Variants in CDC42BPA observed in about 807,000 individuals in gnomAD.
CDC42BPA encodes serine/threonine-protein kinase MRCK alpha.
A neutral mutation model predicts 223.5 loss-of-function variants in CDC42BPA; 80 were observed. The ratio of observed to expected loss-of-function variants is 0.36; its 90% CI spans 0.30 to 0.43. The LOEUF is 0.43. Among genes scored for constraint, CDC42BPA ranks in the 20% least tolerant of loss-of-function variants. CDC42BPA has a pLI of 1.00. For synonymous variants in CDC42BPA, 694 were observed against 718.6 expected (o/e 0.97, Z 0.55); for missense variants, 1,743 against 2,099.9 (o/e 0.83, Z 3.32).
chr1:227,114,515 G>T (rs1011789082), intron 12 of CDC42BPA, among the ~76,000 whole-genome samples: 3 of 151,256 alleles, frequency 2.0e-5, no homozygotes, highest in Non-Finnish European at 2.9e-5. Flanking sequence ...TAATAAAATG[G>T]TTAACATGAA....
intron 17 of CDC42BPA, among the ~76,000 whole-genome samples, chr1:227,075,735 A>G (rs745367644): frequency 6.6e-6 from 1 of 152,136 alleles, no homozygotes; most frequent in Non-Finnish European, 1.5e-5. Flanking sequence ...TTTTTAGAAT[A>G]CAAAAAAGAT....
At chr1:227,039,284 T>G (rs2148745245) in intron 24 of CDC42BPA, among the ~76,000 whole-genome samples, 1 of 152,270 alleles carries the variant, frequency 6.6e-6, no homozygotes, top group Admixed American at 6.5e-5. Flanking sequence ...GTATAATTGC[T>G]TACAAAGTTG....
intron 20 of CDC42BPA, among the ~76,000 whole-genome samples, chr1:227,071,082 A>T (rs2149053062): frequency 6.6e-6 from 1 of 152,018 alleles, no homozygotes; most frequent in East Asian, 1.9e-4. Context: ...AATCTGAATT[A>T]CTATTCACTT....
chr1:227,306,127 T>C (rs1346812177), intron 1 of CDC42BPA, among the ~76,000 whole-genome samples: 1 of 134,496 alleles, frequency 7.4e-6, no homozygotes, highest in African/African-American at 2.8e-5. Flanking sequence ...CAAAGGATCA[T>C]GTTCTAAGTG....
intron 5 of CDC42BPA, among the ~76,000 whole-genome samples, chr1:227,172,912 A>G (rs1196051545): frequency 1.2e-4 from 18 of 152,218 alleles, no homozygotes; most frequent in Non-Finnish European, 2.6e-4. Flanking sequence ...AAACCTTCTA[A>G]AACTACAGTA....
At chr1:227,066,701 T>C (rs187162705) in intron 21 of CDC42BPA, among the ~76,000 whole-genome samples, 251 of 152,056 alleles carry the variant, frequency 1.7e-3, no homozygotes, top group Non-Finnish European at 2.8e-3. Context: ...ACTGAACTGA[T>C]GGATGAGAAA....
At position 226,998,568 on chromosome 1, in the gene CDC42BPA, G is replaced by T. The variant is rs906324627; in HGVS notation, c.4976-3588C>A. 2.0e-5 allele frequency among the ~76,000 whole-genome samples: 3 copies of T among 152,186 alleles called. No homozygotes were observed. The East Asian group carries it at 5.8e-4, about 29-fold the overall frequency. ...GAAAGGATTCCCTATTTAATAAATG[G>T]TGTTGGGAAAACTGGCTAGCCATAT... On this transcript the variant is annotated intron_variant, in intron 35 of 36. Transcript: ENST00000366766.
chr1:227,288,371 C>T (rs1364559348), intron 1 of CDC42BPA, among the ~76,000 whole-genome samples: 1 of 151,138 alleles, frequency 6.6e-6, no homozygotes, highest in Non-Finnish European at 1.5e-5. Context: ...GGAGATCCTG[C>T]CTCAAAAAAT....
intron 16 of CDC42BPA, among the ~76,000 whole-genome samples, chr1:227,081,347 T>C (rs1396339860): frequency 6.6e-6 from 1 of 152,032 alleles, no homozygotes; most frequent in Non-Finnish European, 1.5e-5. Context: ...ATTTCAAGCA[T>C]ATACAGAAAA....
chr1:227,118,787 A>G (rs2482453), intron 12 of CDC42BPA, among the ~76,000 whole-genome samples: 117,484 of 151,942 alleles, frequency 0.77, 45,509 homozygotes, highest in East Asian at 0.88. Context: ...TTATTAAAGC[A>G]AATAGAACAC....
intron 32 of CDC42BPA, among the ~76,000 whole-genome samples, chr1:227,021,535 A>G (rs1285596046): frequency 2.0e-5 from 3 of 152,182 alleles, no homozygotes; most frequent in African/African-American, 7.2e-5. Flanking sequence ...AAGACAATGT[A>G]CCAATGCACT....
chr1:227,018,740 T>A (rs559464833), intron 32 of CDC42BPA, among the ~76,000 whole-genome samples: 1 of 152,322 alleles, frequency 6.6e-6, no homozygotes, highest in African/African-American at 2.4e-5. Flanking sequence ...ATAAAGCAAG[T>A]CACACTATTT....
intron 12 of CDC42BPA, among the ~76,000 whole-genome samples, chr1:227,114,223 A>C (rs989641364): frequency 2.0e-5 from 3 of 152,044 alleles, no homozygotes; most frequent in Non-Finnish European, 4.4e-5. Context: ...CAAATCACCT[A>C]TTCCCCATCC....
intron 1 of CDC42BPA, among the ~76,000 whole-genome samples, chr1:227,290,395 C>T (rs1412319516): frequency 6.6e-6 from 1 of 152,134 alleles, no homozygotes; most frequent in African/African-American, 2.4e-5. Flanking sequence ...ACATGTTGTT[C>T]ATCTTCATTG....
At position 227,192,549 on chromosome 1, in the gene CDC42BPA, C is replaced by G. The variant is rs183636098; in HGVS notation, c.599+1237G>C. On this transcript the variant is annotated intron_variant, in intron 5 of 36. Coordinates refer to ENST00000366766, the MANE Select transcript of CDC42BPA (RefSeq NM_001394014.1). ...CAGTATCCCTTTACGTACTTCTCCT[C>G]AGCATCTTTCTCTTTCTCACATTTT... is the stretch of plus-strand genomic sequence containing the variant. Among the ~76,000 whole-genome samples the G allele has an allele frequency of 6.6e-5, 10 of 152,324 alleles. No homozygotes were observed. The East Asian group carries it at 1.7e-3, about 26-fold the overall frequency.
chr1:227,027,769 C>A (rs1388507300), intron 30 of CDC42BPA, among the ~76,000 whole-genome samples: 1 of 152,174 alleles, frequency 6.6e-6, no homozygotes, highest in African/African-American at 2.4e-5. Context: ...TTCAATGGCA[C>A]ATATTCAATA....
intron 12 of CDC42BPA, among the ~76,000 whole-genome samples, chr1:227,113,362 T>G (rs1371735494): frequency 6.6e-6 from 1 of 152,208 alleles, no homozygotes; most frequent in Non-Finnish European, 1.5e-5. Flanking sequence ...AGAGCTAAAG[T>G]GGACTCAGGG....
At chr1:227,050,657 C>A (rs1673361182) in intron 22 of CDC42BPA, among the ~76,000 whole-genome samples, 1 of 152,028 alleles carries the variant, frequency 6.6e-6, no homozygotes, top group East Asian at 1.9e-4. Context: ...GAAAAGCAGA[C>A]TTCTGAATGA....
intron 21 of CDC42BPA, chr1:227,068,578 A>T: frequency 1.7e-6 from 1 of 575,768 alleles, no homozygotes; most frequent in Non-Finnish European, 2.5e-6. Flanking sequence ...TGACTGCATT[A>T]CTAGGCAAAT....
Sources: gnomAD v4.1 joint callset for allele counts (sites outside exome capture counted in the v4.1 genomes callset) on GRCh38, gnomAD v4.1.1 for gene constraint, MANE v1.5 for transcripts, NCBI Gene and HGNC (gene_info 2026-07-23, HGNC 2026-07-21) for gene names.